SLC12A9: variants seen among roughly 807,000 people sequenced by gnomAD.
SLC12A9 encodes the protein solute carrier family 12 member 9.
A neutral mutation model predicts 66.0 loss-of-function variants in SLC12A9; 55 were observed. The ratio of observed to expected loss-of-function variants is 0.83; its 90% CI spans 0.67 to 1.04. The LOEUF is 1.04. Ranked by LOEUF, SLC12A9 falls within the 50% of genes least tolerant of loss-of-function variation. SLC12A9 has a pLI of 0.00. For synonymous variants in SLC12A9, 577 were observed against 569.0 expected (o/e 1.01, Z -0.20); for missense variants, 1,061 against 1,241.9 (o/e 0.85, Z 2.19).
At chr7:100,864,561 G>A (rs948708760) in intron 13 of SLC12A9, among the ~76,000 whole-genome samples, 1 of 115,632 alleles carries the variant, frequency 8.6e-6, no homozygotes, top group Non-Finnish European at 1.9e-5. Context: ...TTCCACAAGG[G>A]TTGTTCAAAA....
chr7:100,848,083 C>CAAAAAAAA (rs36071720), upstream of SLC12A9, among the ~76,000 whole-genome samples: 3 of 43,942 alleles, frequency 6.8e-5, no homozygotes, highest in Non-Finnish European at 1.1e-4. Context: ...GACTCCATCT[C>CAAAAAAAA]AAAAAAAAAA....
chr7:100,839,889 A>C (rs1813747584), intron 1 of SLC12A9, among the ~76,000 whole-genome samples: 2 of 151,968 alleles, frequency 1.3e-5, no homozygotes, highest in Admixed American at 1.3e-4. Context: ...AAAAATACAA[A>C]AAAATTAGCT....
intron 1 of SLC12A9, among the ~76,000 whole-genome samples, chr7:100,836,287 C>T (rs1813657086): frequency 6.6e-6 from 1 of 152,146 alleles, no homozygotes; most frequent in Non-Finnish European, 1.5e-5. Flanking sequence ...GTTAGGGAAG[C>T]TTGGCACAGA....
At chr7:100,831,250 G>C (rs570083567) in intron 1 of SLC12A9, among the ~76,000 whole-genome samples, 1 of 152,148 alleles carries the variant, frequency 6.6e-6, no homozygotes, top group African/African-American at 2.4e-5. Context: ...GCAAAGGTGC[G>C]ATCTCGGCTC....
rs1276484584 is a variant in SLC12A9 at position 100,861,103 on chromosome 7, T to A, written c.1219-35T>A. The A allele has an allele frequency of 1.2e-6, 2 of 1,613,906 alleles. No homozygotes were observed. The highest frequency in any genetic ancestry group is 1.7e-5 in the Admixed American group (1 of 60,008). On this transcript the variant is annotated intron_variant, in intron 9 of 13. Coordinates refer to ENST00000354161, the MANE Select transcript of SLC12A9 (RefSeq NM_020246.4). This position sits in a 1 kb window ranked among gnomAD's most constrained non-coding sequence, Gnocchi z 5.3. Reference sequence around the variant, plus strand: ...GGCATTTTGGGGGTGCACTGGCACTTTGGAACAACGGCACGCCTCTTGGCC... The same window carrying A: ...GGCATTTTGGGGGTGCACTGGCACTATGGAACAACGGCACGCCTCTTGGCC...
chr7:100,828,840 G>C (rs1173582858), intron 1 of SLC12A9, among the ~76,000 whole-genome samples: 1 of 152,122 alleles, frequency 6.6e-6, no homozygotes, highest in Non-Finnish European at 1.5e-5. Flanking sequence ...GCACAGCCGT[G>C]CTCCTCCCAC....
At position 100,866,330 on chromosome 7, in the gene SLC12A9, G is replaced by A; in HGVS notation, c.2470G>A (p.Gly824Arg). ...AEEEGDFVNS[G>R]RGDAEAEALA... The stretch of plus-strand genomic sequence containing the variant: ...GGAGGAAGGGGACTTTGTGAACAGT[G>A]GGCGGGGAGACGCAGAGGCAGAGGC... Residue 824 changes from glycine to arginine, a missense_variant, in exon 14 of 14, where the codon GGG becomes AGG. Physicochemically the swap from Gly to Arg is moderately radical, Grantham distance 125. Coordinates refer to ENST00000354161, the MANE Select transcript of SLC12A9 (RefSeq NM_020246.4). This position sits in a 1 kb window ranked among gnomAD's most constrained non-coding sequence, Gnocchi z 7.3. 1 of 1,507,650 alleles carries A rather than the reference G, an allele frequency of 6.6e-7. No homozygotes were observed. The highest frequency in any genetic ancestry group is 2.5e-5 in the East Asian group (1 of 40,618). The allele number at this position is 1,507,650 out of a possible 1,614,324, so 93.4% of individuals were successfully genotyped here.
upstream of SLC12A9, among the ~76,000 whole-genome samples, chr7:100,848,527 T>TAATA (rs1554425432): frequency 1.6e-5 from 2 of 126,390 alleles, no homozygotes; most frequent in Admixed American, 8.0e-5. Flanking sequence ...AATAAATAAA[T>TAATA]AATAAATAAA....
At chr7:100,827,641 A>G (rs930263015) in intron 1 of SLC12A9, 3 of 152,142 alleles carry the variant, frequency 2.0e-5, no homozygotes, top group African/African-American at 7.2e-5. Context: ...ACGCTACTGA[A>G]TAATTCATGA....
upstream of SLC12A9, among the ~76,000 whole-genome samples, chr7:100,848,605 G>A (rs1362920239): frequency 6.6e-6 from 1 of 152,114 alleles, no homozygotes; most frequent in South Asian, 2.1e-4. Context: ...GTTGAAAAGA[G>A]GTTGGGCGCA....
chr7:100,838,665 T>C (rs1367817407), intron 1 of SLC12A9, among the ~76,000 whole-genome samples: 4 of 152,130 alleles, frequency 2.6e-5, no homozygotes, highest in Admixed American at 6.5e-5. Context: ...TACAGGTGTG[T>C]AGCACCACGC....
At chr7:100,849,533 T>C (rs575286458), upstream of SLC12A9, among the ~76,000 whole-genome samples, 1 of 151,892 alleles carries the variant, frequency 6.6e-6, no homozygotes, top group East Asian at 2.0e-4. Context: ...CTGGAGAACA[T>C]GGTGAAACCC....
At chr7:100,848,711 C>G (rs1411876489), upstream of SLC12A9, among the ~76,000 whole-genome samples, 1 of 151,580 alleles carries the variant, frequency 6.6e-6, no homozygotes, top group East Asian at 2.0e-4. Context: ...ACGGTGAAAC[C>G]CCGTCTCCAC....
chr7:100,866,476 C>T lies in SLC12A9; in HGVS notation c.2616C>T (p.Tyr872=). ...CCATCACAGCCCTCACCTTCCTGTA[C>T]TTGCCTCGGCCGCCAGCCGATCCCG... ...EGPITALTFL[Y]LPRPPADPAR... The change falls in exon 14 of 14, where the codon TAC becomes TAT. Residue 872 remains tyrosine, a synonymous_variant. Coordinates refer to ENST00000354161, the MANE Select transcript of SLC12A9 (RefSeq NM_020246.4). The surrounding 1 kb of genome is among the most constrained non-coding windows in gnomAD (Gnocchi z 7.3). The T allele has an allele frequency of 1.9e-6, 3 of 1,552,056 alleles. No homozygotes were observed. The highest frequency in any genetic ancestry group is 2.6e-6 in the Non-Finnish European group (3 of 1,148,562).
intron 1 of SLC12A9, among the ~76,000 whole-genome samples, chr7:100,847,065 T>C (rs1311224983): frequency 6.6e-6 from 1 of 152,086 alleles, no homozygotes; most frequent in East Asian, 1.9e-4. Flanking sequence ...AAGACAGGAA[T>C]TGCTCACTCG....
intron 7 of SLC12A9, 118 bp downstream of exon 7, chr7:100,859,279 G>A (rs1814594737): frequency 4.2e-6 from 4 of 945,952 alleles, no homozygotes; most frequent in Non-Finnish European, 6.6e-6. Flanking sequence ...GGTGGAGGGT[G>A]GCTACCGGCG....
rs1479027356 is a variant in SLC12A9, at chr7:100,862,825, T to C, written c.1856T>C (p.Leu619Pro). Residue 619 changes from leucine to proline, a missense_variant and splice_region_variant, in exon 13 of 14, where the codon CTC (leucine) becomes CCC (proline). Physicochemically the swap from Leu to Pro is moderately conservative, Grantham distance 98. Transcript: ENST00000354161. ...CAGCATCTGCTGCGAATCTCCGGCC[T>C]CGGTGAGCTGCTTCTCCCTGGATGC... ...GAQHLLRISG[L>P]GGMKPNTLVL... 2 of 1,614,040 alleles carry C rather than the reference T, an allele frequency of 1.2e-6. No homozygotes were observed. Among genetic ancestry groups the C allele is most frequent in the East Asian group, 4.5e-5 (2 of 44,866 alleles).
At chr7:100,839,447 G>A (rs937782923) in intron 1 of SLC12A9, among the ~76,000 whole-genome samples, 1 of 152,132 alleles carries the variant, frequency 6.6e-6, no homozygotes, top group Non-Finnish European at 1.5e-5. Flanking sequence ...AGTTTTCTGC[G>A]CCTCGTCCTG....
At position 100,858,845 on chromosome 7, in the gene SLC12A9, T is replaced by C; in HGVS notation, c.768T>C (p.Ala256=). 1 of 1,614,182 alleles carries C rather than the reference T, an allele frequency of 6.2e-7. No individual in the cohort carries two copies. Among genetic ancestry groups the C allele is most frequent in the Non-Finnish European group, 8.5e-7 (1 of 1,180,018 alleles). Residue 256 remains alanine, a synonymous_variant, in exon 6 of 14, where the codon GCT becomes GCC. Transcript: ENST00000354161. ...GGAGGATCCTCCTAGCTGGCTATGC[T>C]GAGGACTACACCACGGGAGCCGTGA... is the stretch of plus-strand genomic sequence containing the variant. ...TLKDNLGAGY[A]EDYTTGAVMN...
Sources: gnomAD v4.1 joint callset for allele counts (sites outside exome capture counted in the v4.1 genomes callset) on GRCh38, gnomAD v4.1.1 for gene constraint, Gnocchi (gnomAD v3.1) non-coding constraint, MANE v1.5 for transcripts, NCBI Gene and HGNC (gene_info 2026-07-23, HGNC 2026-07-21) for gene names.